The following SYTL1 variants were observed in gnomAD, a reference collection of about 807,000 sequenced individuals.
The protein encoded by SYTL1 is synaptotagmin like 1.
Under a neutral mutation model 74.6 loss-of-function variants are expected in SYTL1, and 53 were observed. That is an observed-to-expected ratio of 0.71 (90% CI 0.57 to 0.89). The LOEUF (loss-of-function observed/expected upper bound fraction) is 0.89. SYTL1 is among the 40% of genes least tolerant of loss of function. SYTL1 has a pLI of 0.00. For synonymous variants in SYTL1, 329 were observed against 324.9 expected (o/e 1.01, Z -0.14); for missense variants, 728 against 768.7 (o/e 0.95, Z 0.63).
Position 27,351,132 on chromosome 1 carries a change from C to A in SYTL1, c.1165-126C>A. 1.5e-6 allele frequency: 2 copies of A among 1,338,874 alleles called. No individual in the cohort carries two copies. The highest frequency in any genetic ancestry group is 2.0e-6 in the Non-Finnish European group (2 of 983,594). The allele number at this position is 1,338,874 out of a possible 1,614,324, so 82.9% of individuals were successfully genotyped here. On this transcript the variant is annotated intron_variant, in intron 11 of 14. Transcript: ENST00000616558. This position sits in a 1 kb window ranked among gnomAD's most constrained non-coding sequence, Gnocchi z 5.0. ...GCCCCTTCCCCGAGGGCGCTAGGACCCCTAGGTTCTGCCCCTGCAGGCCCC... is the reference window on the plus strand; with the variant it reads ...GCCCCTTCCCCGAGGGCGCTAGGACACCTAGGTTCTGCCCCTGCAGGCCCC...
chr1:27,351,345 C>T lies in SYTL1; in HGVS notation c.1243+9C>T, dbSNP rs1332423427. 1 of 1,542,310 alleles carries T rather than the reference C, an allele frequency of 6.5e-7. No individual in the cohort carries two copies. Among genetic ancestry groups the T allele is most frequent in the Admixed American group, 2.0e-5 (1 of 50,038 alleles). ...CCCCGCCGGCTCCGAGGGTGAGTGA[C>T]AGCCGGAGAGGCCAAGCTGGACACG... On this transcript the variant is annotated intron_variant, in intron 12 of 14. Transcript: ENST00000616558. This position sits in a 1 kb window ranked among gnomAD's most constrained non-coding sequence, Gnocchi z 5.0.
At position 27,351,224 on chromosome 1, in the gene SYTL1, A is replaced by G. The variant is rs2015256825; in HGVS notation, c.1165-34A>G. 6.5e-6 allele frequency: 10 copies of G among 1,548,256 alleles called. No individual in the cohort carries two copies. Among genetic ancestry groups the G allele is most frequent in the African/African-American group, 1.4e-5 (1 of 73,060 alleles). On this transcript the variant is annotated intron_variant, in intron 11 of 14. Coordinates refer to ENST00000616558, the MANE Select transcript of SYTL1 (RefSeq NM_001193308.2). This position sits in a 1 kb window ranked among gnomAD's most constrained non-coding sequence, Gnocchi z 5.0. ...CACCCTCCTGAGGCCCCTTTCCATTAGCCCCTGCTCCACGATAAGCCCGCC... is the reference window on the plus strand; with the variant it reads ...CACCCTCCTGAGGCCCCTTTCCATTGGCCCCTGCTCCACGATAAGCCCGCC...
Position 27,350,781 on chromosome 1 carries a change from C to T in SYTL1, c.1006-13C>T, listed in dbSNP as rs1269435180. On this transcript the variant is annotated splice_polypyrimidine_tract_variant and intron_variant, in intron 10 of 14. Transcript: ENST00000616558. This position sits in a 1 kb window ranked among gnomAD's most constrained non-coding sequence, Gnocchi z 6.3. ...CCAGCAGTGCTCCACTAAAGCTCACCTCCTGTCCTCAGTACTCCGTCCCGC... is the reference window on the plus strand; with the variant it reads ...CCAGCAGTGCTCCACTAAAGCTCACTTCCTGTCCTCAGTACTCCGTCCCGC... The T allele has an allele frequency of 6.2e-7, 1 of 1,613,482 alleles. No individual in the cohort carries two copies. Among genetic ancestry groups the T allele is most frequent in the African/African-American group, 1.3e-5 (1 of 75,054 alleles).
rs1329768713 is a variant in SYTL1, at chr1:27,351,592, T to G, written c.1343+37T>G. 1 of 1,377,070 alleles carries G rather than the reference T, an allele frequency of 7.3e-7. No homozygotes were observed. The highest frequency in any genetic ancestry group is 9.8e-7 in the Non-Finnish European group (1 of 1,015,318). The allele number at this position is 1,377,070 out of a possible 1,614,324, so 85.3% of individuals were successfully genotyped here. A position where few individuals can be genotyped will look rare whatever the true frequency, so the allele number is the denominator to read the frequency against. The stretch of plus-strand genomic sequence containing the variant: ...TGGCCCTCCGGGCTTCCCATTCTTT[T>G]GCCTGCAGTGGAGTGCCCAACCTCC... On this transcript the variant is annotated intron_variant, in intron 13 of 14. Transcript: ENST00000616558. This position sits in a 1 kb window ranked among gnomAD's most constrained non-coding sequence, Gnocchi z 5.0.
Position 27,350,299 on chromosome 1 carries a change from AC to A in SYTL1, c.909-89del. On this transcript the variant is annotated intron_variant, in intron 9 of 14. Transcript: ENST00000616558. This position sits in a 1 kb window ranked among gnomAD's most constrained non-coding sequence, Gnocchi z 6.3. The stretch of plus-strand genomic sequence containing the variant: ...TAAAGCGCTTAGCACGAGGCCTGGC[AC>A]GTGTTCGGGATGGTGGCTGGGGGAG... The A allele has an allele frequency of 6.7e-7, 1 of 1,487,858 alleles. No homozygotes were observed. The highest frequency in any genetic ancestry group is 1.1e-5 in the South Asian group (1 of 88,580). 92.2% of individuals were successfully genotyped at this position (1,487,858 alleles called of 1,614,324 possible).
At chr1:27,352,027 G>A (rs2015298700) in intron 13 of SYTL1, 2 of 153,180 alleles carry the variant, frequency 1.3e-5, no homozygotes, top group Non-Finnish European at 2.9e-5. Context: ...TTTGCAGAGG[G>A]GGTTCCCAGG....
In SYTL1 at chr1:27,347,326, G is replaced by T; in HGVS notation, c.192-95G>T. On this transcript the variant is annotated intron_variant, in intron 2 of 14. Transcript: ENST00000616558. This position sits in a 1 kb window ranked among gnomAD's most constrained non-coding sequence, Gnocchi z 4.9. ...CAGATCAAGTCTGATTTGCTGTTGG[G>T]TCCCTGGCCCCTGGTCCCAAGCCTG... The T allele has an allele frequency of 1.3e-6, 2 of 1,545,928 alleles. No individual in the cohort carries two copies. The highest frequency in any genetic ancestry group is 8.9e-7 in the Non-Finnish European group (1 of 1,128,288).
chr1:27,344,979 C>G (rs375217953), intron 1 of SYTL1: 1 of 173,964 alleles, frequency 5.7e-6, no homozygotes, highest in East Asian at 1.5e-4. Flanking sequence ...TGTCTGTGTG[C>G]ATGTGCGACC....
Position 27,343,744 on chromosome 1 carries a change from G to A in SYTL1, c.-38-1553G>A, listed in dbSNP as rs971911133. Among the ~76,000 whole-genome samples, 3 of 152,166 alleles carry A rather than the reference G, an allele frequency of 2.0e-5. No individual in the cohort carries two copies. Among genetic ancestry groups the A allele is most frequent in the Non-Finnish European group, 4.4e-5 (3 of 68,018 alleles). On this transcript the variant is annotated intron_variant, in intron 1 of 14. Coordinates refer to ENST00000616558, the MANE Select transcript of SYTL1 (RefSeq NM_001193308.2). This position sits in a 1 kb window ranked among gnomAD's most constrained non-coding sequence, Gnocchi z 5.2. ...TGTGCAAAGTAATGGCTTTGAGGGT[G>A]ACTCCCTCTCCCTGCCTCCAAGGAG... is the stretch of plus-strand genomic sequence containing the variant.
Position 27,353,590 on chromosome 1 carries a change from A to G in SYTL1, c.1549+102A>G. ...CCTCTCTGTCCTTTCCTGAGCTTTG[A>G]TATCTACTGAGAACTGAGGGTGGTA... On this transcript the variant is annotated intron_variant, in intron 14 of 14. Transcript: ENST00000616558. 3 of 1,534,730 alleles carry G rather than the reference A, an allele frequency of 2.0e-6. No individual in the cohort carries two copies. In the East Asian group the frequency reaches 7.0e-5, roughly 36 times the overall value.
chr1:27,347,903 G>A lies in SYTL1; in HGVS notation c.413+23G>A. The A allele has an allele frequency of 2.5e-6, 4 of 1,614,084 alleles. No homozygotes were observed. The highest frequency in any genetic ancestry group is 1.7e-6 in the Non-Finnish European group (2 of 1,179,958). Reference sequence around the variant, plus strand: ...CAGGTGAGGAGGAGTCTCAGGAAGGGGGAGATGGTGCCCACCAGTCACCAG... The same window carrying A: ...CAGGTGAGGAGGAGTCTCAGGAAGGAGGAGATGGTGCCCACCAGTCACCAG... On this transcript the variant is annotated intron_variant, in intron 4 of 14. Transcript: ENST00000616558. This position sits in a 1 kb window ranked among gnomAD's most constrained non-coding sequence, Gnocchi z 4.9.
chr1:27,353,685 C>T (rs1397231520), intron 14 of SYTL1, 28 bp from the exon 15 acceptor site: 5 of 1,603,552 alleles, frequency 3.1e-6, no homozygotes, highest in Non-Finnish European at 4.3e-6. Flanking sequence ...TGTGATCATG[C>T]CCTCAACCCC....
chr1:27,347,708 C>A lies in SYTL1; in HGVS notation c.341-100C>A. On this transcript the variant is annotated intron_variant, in intron 3 of 14. Transcript: ENST00000616558. The surrounding 1 kb of genome is among the most constrained non-coding windows in gnomAD (Gnocchi z 4.9). Reference sequence around the variant, plus strand: ...GTGTCTTTCAGTGGGCAATGCCCCTCCGTGGGCATGGGGTGGGTGGGTATC... The same window carrying A: ...GTGTCTTTCAGTGGGCAATGCCCCTACGTGGGCATGGGGTGGGTGGGTATC... 6.9e-7 allele frequency: 1 copy of A among 1,445,914 alleles called. No individual in the cohort carries two copies. The highest frequency in any genetic ancestry group is 9.4e-7 in the Non-Finnish European group (1 of 1,058,564). 89.6% of individuals were successfully genotyped at this position (1,445,914 alleles called of 1,614,324 possible).
rs1434855409 is a variant in SYTL1, at chr1:27,351,282, C to T, written c.1189C>T (p.Pro397Ser). The change falls in exon 12 of 15, where the codon CCG becomes TCG. Residue 397 changes from proline to serine, a missense_variant. By Grantham distance (74) the Pro-to-Ser change is moderately conservative. Coordinates refer to ENST00000616558, the MANE Select transcript of SYTL1 (RefSeq NM_001193308.2). This position sits in a 1 kb window ranked among gnomAD's most constrained non-coding sequence, Gnocchi z 5.0. ...PRVPPSPDDL[P>S]SRGLLALSLK... Reference sequence around the variant, plus strand: ...GGTCCCACCCTCTCCCGACGACCTTCCGAGCCGCGGGTTACTCGCCCTGTC... The same window carrying T: ...GGTCCCACCCTCTCCCGACGACCTTTCGAGCCGCGGGTTACTCGCCCTGTC... 1.1e-5 allele frequency: 17 copies of T among 1,561,214 alleles called. No homozygotes were observed. In the South Asian group the frequency reaches 1.8e-4, roughly 16 times the overall value.
At position 27,350,303 on chromosome 1, in the gene SYTL1, G is replaced by C. The variant is rs752853439; in HGVS notation, c.909-86G>C. 6 of 1,500,282 alleles carry C rather than the reference G, an allele frequency of 4.0e-6. No homozygotes were observed. The African/African-American group carries it at 4.1e-5, about 10-fold the overall frequency. 92.9% of individuals were successfully genotyped at this position (1,500,282 alleles called of 1,614,324 possible). On this transcript the variant is annotated intron_variant, in intron 9 of 14. Coordinates refer to ENST00000616558, the MANE Select transcript of SYTL1 (RefSeq NM_001193308.2). The surrounding 1 kb of genome is among the most constrained non-coding windows in gnomAD (Gnocchi z 6.3). ...GCGCTTAGCACGAGGCCTGGCACGT[G>C]TTCGGGATGGTGGCTGGGGGAGCCC...
rs2015091372 is a variant in SYTL1 at position 27,348,359 on chromosome 1, C to T, written c.459+347C>T. ...GGCTGATGTGGGAGGATCGCTTGAG[C>T]CGAGGAGTTCAAGACCAGCCTGGGC... On this transcript the variant is annotated intron_variant, in intron 5 of 14. Transcript: ENST00000616558. The surrounding 1 kb of genome is among the most constrained non-coding windows in gnomAD (Gnocchi z 4.1). Among the ~76,000 whole-genome samples the T allele has an allele frequency of 6.6e-6, 1 of 151,734 alleles. No homozygotes were observed. Among genetic ancestry groups the T allele is most frequent in the African/African-American group, 2.4e-5 (1 of 41,280 alleles).
intron 1 of SYTL1, among the ~76,000 whole-genome samples, chr1:27,344,114 AT>A (rs1384873454): frequency 1.4e-5 from 2 of 142,678 alleles, no homozygotes; most frequent in East Asian, 4.2e-4. Context: ...TGTTCTTTTC[AT>A]TTTTTTTGGA....
Position 27,350,684 on chromosome 1 carries a change from C to T in SYTL1, c.1006-110C>T. 2.2e-6 allele frequency: 3 copies of T among 1,375,630 alleles called. No homozygotes were observed. Among genetic ancestry groups the T allele is most frequent in the Non-Finnish European group, 3.0e-6 (3 of 999,740 alleles). 85.2% of individuals were successfully genotyped at this position (1,375,630 alleles called of 1,614,324 possible). Reference sequence around the variant, plus strand: ...TCCCCATTAATGCCCTTAGGGGCTCCCCAGAATTCCATCATGGTAGGAACG... The same window carrying T: ...TCCCCATTAATGCCCTTAGGGGCTCTCCAGAATTCCATCATGGTAGGAACG... On this transcript the variant is annotated intron_variant, in intron 10 of 14. Coordinates refer to ENST00000616558, the MANE Select transcript of SYTL1 (RefSeq NM_001193308.2). The surrounding 1 kb of genome is among the most constrained non-coding windows in gnomAD (Gnocchi z 6.3).
At chr1:27,349,030 T>C in intron 5 of SYTL1, 50 bp from the exon 6 acceptor site, 1 of 1,447,808 alleles carries the variant, frequency 6.9e-7, no homozygotes, top group Non-Finnish European at 9.6e-7. Context: ...ACCTTTGACC[T>C]CTTCCTCACC....
Sources: gnomAD v4.1 joint callset for allele counts (sites outside exome capture counted in the v4.1 genomes callset) on GRCh38, gnomAD v4.1.1 for gene constraint, Gnocchi (gnomAD v3.1) non-coding constraint, MANE v1.5 for transcripts, NCBI Gene and HGNC (gene_info 2026-07-23, HGNC 2026-07-21) for gene names.